The following CTNNA3 variants were observed in gnomAD, a reference collection of about 807,000 sequenced individuals.
The protein encoded by CTNNA3 is catenin alpha-3.
Under a neutral mutation model 95.7 loss-of-function variants are expected in CTNNA3, and 76 were observed. That is an observed-to-expected ratio of 0.79 (90% CI 0.66 to 0.96). The LOEUF (loss-of-function observed/expected upper bound fraction) is 0.96, where lower values mean the gene tolerates loss of function less well. Ranked by LOEUF, CTNNA3 falls within the 40% of genes least tolerant of loss-of-function variation. CTNNA3 has a pLI of 0.00. For missense variants in CTNNA3, 1,191 were observed against 1,089.8 expected (o/e 1.09, Z -1.31); for synonymous variants, 431 against 374.4 (o/e 1.15, Z -1.74).
intron 11 of CTNNA3, among the ~76,000 whole-genome samples, chr10:66,468,200 T>C (rs3802551): frequency 0.062 from 9,397 of 151,994 alleles, 605 homozygotes; most frequent in African/African-American, 0.16. Flanking sequence ...TCAGTAAAGA[T>C]GTTGAAATAT....
chr10:66,533,872 A>G (rs1042788229), intron 10 of CTNNA3, among the ~76,000 whole-genome samples: 2 of 152,100 alleles, frequency 1.3e-5, no homozygotes, highest in African/African-American at 2.4e-5. Flanking sequence ...GGAGTTCAAG[A>G]CCAGCCTGGG....
intron 11 of CTNNA3, among the ~76,000 whole-genome samples, chr10:66,386,822 C>T (rs1415243864): frequency 6.6e-6 from 1 of 152,038 alleles, no homozygotes; most frequent in Non-Finnish European, 1.5e-5. Flanking sequence ...CTTTGACAAA[C>T]CTGACAAAAA....
chr10:67,097,708 C>G (rs761729350), intron 7 of CTNNA3: 3 of 1,612,632 alleles, frequency 1.9e-6, no homozygotes, highest in Non-Finnish European at 2.5e-6. Context: ...CAGGAAGATA[C>G]GATGGAAACA....
intron 11 of CTNNA3, among the ~76,000 whole-genome samples, chr10:66,488,454 GA>G (rs1176550619): frequency 6.6e-6 from 1 of 152,048 alleles, no homozygotes; most frequent in Non-Finnish European, 1.5e-5. Flanking sequence ...TTTCACCAAT[GA>G]AAACCCACTT....
chr10:66,978,960 C>CTTTTTTTTTTTT (rs34112681), intron 7 of CTNNA3, among the ~76,000 whole-genome samples: 1 of 83,782 alleles, frequency 1.2e-5, no homozygotes, highest in Non-Finnish European at 2.2e-5. Context: ...TACTTATTTC[C>CTTTTTTTTTTTT]TTTTTTTTTT....
chr10:67,455,123 T>C (rs1847124039), intron 5 of CTNNA3, among the ~76,000 whole-genome samples: 1 of 152,186 alleles, frequency 6.6e-6, no homozygotes, highest in African/African-American at 2.4e-5. Flanking sequence ...TCGATTGTAC[T>C]TTCTATTATA....
At chr10:67,387,087 A>G (rs1340338579) in intron 5 of CTNNA3, among the ~76,000 whole-genome samples, 2 of 152,318 alleles carry the variant, frequency 1.3e-5, no homozygotes, top group South Asian at 2.1e-4. Context: ...GCTCTGGTCT[A>G]CAGCTCCCAG....
intron 17 of CTNNA3, among the ~76,000 whole-genome samples, chr10:65,942,964 T>C (rs1235741204): frequency 6.6e-6 from 1 of 152,180 alleles, no homozygotes; most frequent in Non-Finnish European, 1.5e-5. Context: ...AAGTAAAATA[T>C]ATAAAGAACT....
intron 11 of CTNNA3, among the ~76,000 whole-genome samples, chr10:66,492,833 A>G (rs575704016): frequency 6.6e-6 from 1 of 152,292 alleles, no homozygotes; most frequent in South Asian, 2.1e-4. Context: ...ATTATACTCC[A>G]TCTAGTTTAA....
intron 5 of CTNNA3, among the ~76,000 whole-genome samples, chr10:67,312,742 T>C (rs1178472851): frequency 6.6e-6 from 1 of 152,184 alleles, no homozygotes; most frequent in African/African-American, 2.4e-5. Context: ...GCTCAACAAA[T>C]ATTTGACAAA....
chr10:67,172,909 A>T (rs1862078816), intron 7 of CTNNA3, among the ~76,000 whole-genome samples: 1 of 151,576 alleles, frequency 6.6e-6, no homozygotes, highest in Admixed American at 6.6e-5. Context: ...CAGGAGGCAG[A>T]GGTTGCAGCG....
intron 5 of CTNNA3, among the ~76,000 whole-genome samples, chr10:67,476,980 T>G (rs929597676): frequency 3.3e-5 from 5 of 151,624 alleles, no homozygotes; most frequent in African/African-American, 9.7e-5. Flanking sequence ...TATGATGAAG[T>G]AGGGCCCTCT....
intron 16 of CTNNA3, among the ~76,000 whole-genome samples, chr10:65,982,202 CAA>C (rs200261953): frequency 1.5e-5 from 2 of 137,888 alleles, no homozygotes; most frequent in Admixed American, 7.2e-5. Flanking sequence ...AGACGATTCT[CAA>C]AAAAAAAAAG....
At chr10:67,671,511 C>T (rs868369397) in intron 1 of CTNNA3, among the ~76,000 whole-genome samples, 1 of 141,950 alleles carries the variant, frequency 7.0e-6, no homozygotes, top group Admixed American at 7.0e-5. Flanking sequence ...CCTCCCCGCT[C>T]CCCCCACCCC....
chr10:66,371,783 C>T (rs2092756313), intron 12 of CTNNA3, among the ~76,000 whole-genome samples: 1 of 152,110 alleles, frequency 6.6e-6, no homozygotes, highest in African/African-American at 2.4e-5. Flanking sequence ...CAAAGAAGCT[C>T]GAAGGCCAGG....
rs1848285033 is a variant in CTNNA3 at position 66,946,544 on chromosome 10, A to T, written c.1048-171020T>A. 3.3e-5 allele frequency among the ~76,000 whole-genome samples: 5 copies of T among 152,092 alleles called. No individual in the cohort carries two copies. The South Asian group carries it at 1.0e-3, about 32-fold the overall frequency. On this transcript the variant is annotated intron_variant, in intron 7 of 17. Coordinates refer to ENST00000433211, the MANE Select transcript of CTNNA3 (RefSeq NM_013266.4). ...AAAGCCCCCTCTAGTTCTTCCAATC[A>T]CTATTCCCATACCCAAGGTAACCAC...
chr10:67,069,876 C>T (rs1011343508), intron 7 of CTNNA3, among the ~76,000 whole-genome samples: 1 of 152,108 alleles, frequency 6.6e-6, no homozygotes, highest in African/African-American at 2.4e-5. Context: ...TGTTTGAACA[C>T]TTTTGTACAT....
chr10:66,347,497 C>T (rs117686716), intron 12 of CTNNA3, among the ~76,000 whole-genome samples: 1 of 151,686 alleles, frequency 6.6e-6, no homozygotes, highest in Non-Finnish European at 1.5e-5. Flanking sequence ...ATCTGCGGTT[C>T]CAGCTATTCA....
At chr10:66,989,447 T>C (rs111506429) in intron 7 of CTNNA3, among the ~76,000 whole-genome samples, 3 of 152,340 alleles carry the variant, frequency 2.0e-5, no homozygotes, top group African/African-American at 7.2e-5. Context: ...AATAGCTGAA[T>C]TCATTTTTAT....
Sources: gnomAD v4.1 joint callset for allele counts (sites outside exome capture counted in the v4.1 genomes callset) on GRCh38, gnomAD v4.1.1 for gene constraint, MANE v1.5 for transcripts, NCBI Gene and HGNC (gene_info 2026-07-23, HGNC 2026-07-21) for gene names.